Variants in GRIN2A observed in about 807,000 individuals in gnomAD.
GRIN2A encodes the protein glutamate receptor ionotropic, NMDA 2A.
In GRIN2A, 22 loss-of-function variants were observed where a neutral mutation model predicts 113.4. That is an observed-to-expected ratio of 0.19 (90% CI 0.14 to 0.28). GRIN2A has a LOEUF of 0.28. Among genes scored for constraint, GRIN2A ranks in the 10% least tolerant of loss-of-function variants. The pLI is 1.00. For synonymous variants in GRIN2A, 827 were observed against 738.4 expected (o/e 1.12, Z -1.94); for missense variants, 1,502 against 1,887.0 (o/e 0.80, Z 3.78).
intron 11 of GRIN2A, among the ~76,000 whole-genome samples, chr16:9,789,537 A>T (rs1168510973): frequency 2.7e-5 from 4 of 149,426 alleles, no homozygotes; most frequent in Non-Finnish European, 5.9e-5. Flanking sequence ...GGTTGATAAG[A>T]TATATGAAAC....
At position 9,763,989 on chromosome 16, in the gene GRIN2A, T is replaced by C. The variant is rs2141131041; in HGVS notation, c.3555A>G (p.Lys1185=). ...TCAAGGTGAAGTGCTTGGAGTAGAG[T>C]TTATACTGGTCGTTGTTGGAAAGCC... ...EEGLSNNDQY[K]LYSKHFTLKD... Residue 1185 remains lysine (K), a synonymous_variant, in exon 13 of 13, where the codon AAA becomes AAG. Coordinates refer to ENST00000330684, the MANE Select transcript of GRIN2A (RefSeq NM_001134407.3). 6.2e-7 allele frequency: 1 copy of C among 1,613,930 alleles called. No individual in the cohort carries two copies. Among genetic ancestry groups the C allele is most frequent in the Non-Finnish European group, 8.5e-7 (1 of 1,179,974 alleles).
chr16:10,063,398 T>C (rs1369840639), intron 2 of GRIN2A, among the ~76,000 whole-genome samples: 1 of 152,306 alleles, frequency 6.6e-6, no homozygotes, highest in African/African-American at 2.4e-5. Context: ...GTTAGAATCA[T>C]AGCAAATCAC....
At chr16:10,105,602 C>T (rs1596510829) in intron 2 of GRIN2A, among the ~76,000 whole-genome samples, 1 of 152,072 alleles carries the variant, frequency 6.6e-6, no homozygotes, top group South Asian at 2.1e-4. Flanking sequence ...TAAGAATTCC[C>T]TATGAAATTC....
intron 2 of GRIN2A, among the ~76,000 whole-genome samples, chr16:10,037,878 C>T (rs1258966022): frequency 1.3e-5 from 2 of 152,172 alleles, no homozygotes; most frequent in African/African-American, 4.8e-5. Flanking sequence ...CTCAGCCTCC[C>T]AAATTGTTGA....
chr16:9,937,795 G>A (rs1596344009), intron 3 of GRIN2A, 164 bp downstream of exon 3: 1 of 632,326 alleles, frequency 1.6e-6, no homozygotes, highest in Non-Finnish European at 2.8e-6. Flanking sequence ...TCTTACAAAG[G>A]AGATGAAAGA....
rs1596405293 is a variant in GRIN2A at position 10,001,592 on chromosome 16, T to A, written c.415-63041A>T. ...ATTCCACAAGTGCTTCCATGCATGC[T>A]CTTGTATCTTTAGAAGGTTCTCAGA... On this transcript the variant is annotated intron_variant, in intron 2 of 12. Transcript: ENST00000330684. 2.0e-5 allele frequency among the ~76,000 whole-genome samples: 3 copies of A among 152,262 alleles called. 1 individual carries two copies. The Middle Eastern group carries it at 0.01, about 518-fold the overall frequency.
chr16:9,889,421 G>C (rs1432615588), intron 4 of GRIN2A, among the ~76,000 whole-genome samples: 2 of 151,986 alleles, frequency 1.3e-5, no homozygotes, highest in African/African-American at 4.8e-5. Context: ...ACTAGCTTTT[G>C]GCTTTGTTGA....
intron 4 of GRIN2A, among the ~76,000 whole-genome samples, chr16:9,878,149 T>C (rs1215131429): frequency 2.0e-5 from 3 of 152,174 alleles, no homozygotes; most frequent in African/African-American, 7.2e-5. Flanking sequence ...AGCTTAATCA[T>C]GCTCCCATCA....
chr16:9,936,137 T>C (rs995374485), intron 3 of GRIN2A, among the ~76,000 whole-genome samples: 3 of 152,206 alleles, frequency 2.0e-5, no homozygotes, highest in South Asian at 2.1e-4. Flanking sequence ...CTCTAGAACA[T>C]TGGTCCTCAA....
At chr16:10,141,717 C>T (rs1013240464) in intron 2 of GRIN2A, among the ~76,000 whole-genome samples, 1 of 152,190 alleles carries the variant, frequency 6.6e-6, no homozygotes, top group East Asian at 1.9e-4. Flanking sequence ...TGAGATTTTA[C>T]AGATGATGTT....
intron 2 of GRIN2A, among the ~76,000 whole-genome samples, chr16:10,097,720 C>T (rs1308193141): frequency 6.6e-6 from 1 of 152,168 alleles, no homozygotes; most frequent in African/African-American, 2.4e-5. Context: ...CACTTTCTTT[C>T]TTAAGACCCT....
chr16:10,135,599 G>C (rs536451923), intron 2 of GRIN2A, among the ~76,000 whole-genome samples: 2 of 152,292 alleles, frequency 1.3e-5, no homozygotes. Context: ...TCAATTAAAG[G>C]AACAGATGAG....
intron 2 of GRIN2A, among the ~76,000 whole-genome samples, chr16:10,086,455 A>G (rs924574063): frequency 1.3e-5 from 2 of 152,150 alleles, no homozygotes; most frequent in African/African-American, 4.8e-5. Flanking sequence ...TTGCAAACAC[A>G]TAAGATGTTT....
At chr16:10,084,127 G>A (rs764295191) in intron 2 of GRIN2A, among the ~76,000 whole-genome samples, 6 of 152,150 alleles carry the variant, frequency 3.9e-5, no homozygotes, top group Non-Finnish European at 8.8e-5. Flanking sequence ...GCATTCAGTT[G>A]TAAAAATTAA....
chr16:9,955,542 C>CTTTTGTA (rs1483097370), intron 2 of GRIN2A, among the ~76,000 whole-genome samples: 10 of 152,166 alleles, frequency 6.6e-5, no homozygotes, highest in Non-Finnish European at 1.0e-4. Flanking sequence ...TACTTTTGCA[C>CTTTTGTA]CAACCTAATA....
intron 2 of GRIN2A, among the ~76,000 whole-genome samples, chr16:10,081,551 G>A (rs2047983079): frequency 6.6e-6 from 1 of 152,202 alleles, no homozygotes; most frequent in African/African-American, 2.4e-5. Flanking sequence ...AAGAAAGCTA[G>A]CTCCATGAAC....
chr16:9,994,072 C>T (rs1415512318), intron 2 of GRIN2A, among the ~76,000 whole-genome samples: 1 of 152,174 alleles, frequency 6.6e-6, no homozygotes, highest in Non-Finnish European at 1.5e-5. Flanking sequence ...ATATCACCCT[C>T]CATGTTATCA....
At chr16:10,053,960 T>A (rs913760949) in intron 2 of GRIN2A, among the ~76,000 whole-genome samples, 1 of 150,906 alleles carries the variant, frequency 6.6e-6, no homozygotes, top group Non-Finnish European at 1.5e-5. Flanking sequence ...TATTATTAGT[T>A]GGTGCAAAAG....
At chr16:9,770,250 T>C (rs2141155050) in intron 11 of GRIN2A, among the ~76,000 whole-genome samples, 2 of 152,292 alleles carry the variant, frequency 1.3e-5, no homozygotes, top group Non-Finnish European at 2.9e-5. Context: ...ATGAAAAGTA[T>C]GACTATATTT....
Sources: gnomAD v4.1 joint callset for allele counts (sites outside exome capture counted in the v4.1 genomes callset) on GRCh38, gnomAD v4.1.1 for gene constraint, MANE v1.5 for transcripts, NCBI Gene and HGNC (gene_info 2026-07-23, HGNC 2026-07-21) for gene names.